Variants in DIPK1A observed in about 807,000 individuals in gnomAD.
DIPK1A encodes the protein family with sequence similarity 69 member A.
DIPK1A carries 27 observed loss-of-function variants against 40.8 expected under a neutral mutation model. That is an observed-to-expected ratio of 0.66 (90% CI 0.49 to 0.91). DIPK1A has a LOEUF of 0.91. Among genes scored for constraint, DIPK1A ranks in the 40% least tolerant of loss-of-function variants. DIPK1A has a pLI of 0.00. For synonymous variants in DIPK1A, 166 were observed against 171.3 expected (o/e 0.97, Z 0.24); for missense variants, 412 against 505.7 (o/e 0.81, Z 1.78).
chr1:92,833,216 G>A, intron 4 of DIPK1A: 1 of 655,178 alleles, frequency 1.5e-6, no homozygotes, highest in Non-Finnish European at 2.8e-6. Flanking sequence ...TGACATGGAA[G>A]GTAGAGGAAA....
intron 1 of DIPK1A, among the ~76,000 whole-genome samples, chr1:92,959,328 G>A (rs1651965984): frequency 6.6e-6 from 1 of 152,020 alleles, no homozygotes; most frequent in Non-Finnish European, 1.5e-5. Flanking sequence ...AAGTTTGGTT[G>A]GAAGAGGGAG....
intron 1 of DIPK1A, among the ~76,000 whole-genome samples, chr1:92,912,942 TA>T (rs760280375): frequency 5.0e-4 from 64 of 129,184 alleles, no homozygotes; most frequent in Admixed American, 7.3e-4. Flanking sequence ...CTCTATGAAA[TA>T]AAAAAAAAAA....
At chr1:92,922,333 CT>C (rs368331487) in intron 1 of DIPK1A, among the ~76,000 whole-genome samples, 13 of 144,654 alleles carry the variant, frequency 9.0e-5, no homozygotes, top group South Asian at 2.2e-4. Flanking sequence ...TTTTTCTTTT[CT>C]TTTTTTTTTA....
intron 2 of DIPK1A, among the ~76,000 whole-genome samples, chr1:92,871,140 GGACT>G (rs1329270781): frequency 3.3e-5 from 5 of 151,688 alleles, no homozygotes; most frequent in African/African-American, 9.7e-5. Context: ...GCCTTCCTTT[GGACT>G]GACTATTCTT....
chr1:92,843,126 AAGTC>A lies in DIPK1A; in HGVS notation c.*253_*256del. The A allele has an allele frequency of 8.7e-7, 1 of 1,151,854 alleles. No homozygotes were observed. Among genetic ancestry groups the A allele is most frequent in the Non-Finnish European group, 1.1e-6 (1 of 934,366 alleles). The allele number at this position is 1,151,854 out of a possible 1,614,324, so 71.4% of individuals were successfully genotyped here. A position where few individuals can be genotyped will look rare whatever the true frequency, so the allele number is the denominator to read the frequency against. ...AAGCTTTTCACAGCATTGGTTTTTAAAGTCAGTCAAAATAGTTACACAATGAATG... is the reference window on the plus strand; with the variant it reads ...AAGCTTTTCACAGCATTGGTTTTTAAAGTCAAAATAGTTACACAATGAATG... On this transcript the variant is annotated 3_prime_UTR_variant, in exon 5 of 5. Coordinates refer to ENST00000370310, the MANE Select transcript of DIPK1A (RefSeq NM_001006605.5).
At chr1:92,908,124 G>A (rs1223290007) in intron 1 of DIPK1A, among the ~76,000 whole-genome samples, 1 of 152,170 alleles carries the variant, frequency 6.6e-6, no homozygotes, top group Admixed American at 6.6e-5. Flanking sequence ...AACATGTTGA[G>A]AGTGAAGTGT....
chr1:92,833,184 G>A (rs566693990), intron 4 of DIPK1A: 2 of 648,370 alleles, frequency 3.1e-6, no homozygotes, highest in Admixed American at 2.6e-5. Flanking sequence ...CATTTTTATT[G>A]TTTTATGAAA....
chr1:92,835,989 C>A (rs1403467133), intron 4 of DIPK1A, among the ~76,000 whole-genome samples: 2 of 151,736 alleles, frequency 1.3e-5, no homozygotes, highest in South Asian at 4.2e-4. Flanking sequence ...AAAATTGTTT[C>A]AAGTGAAATT....
intron 1 of DIPK1A, among the ~76,000 whole-genome samples, chr1:92,936,511 C>T (rs545859445): frequency 1.3e-5 from 2 of 152,046 alleles, no homozygotes; most frequent in East Asian, 1.9e-4. Flanking sequence ...TGCCTATAAT[C>T]CCAGGTACTC....
intron 1 of DIPK1A, among the ~76,000 whole-genome samples, chr1:92,937,768 AAATGTAC>A (rs1168944510): frequency 6.6e-6 from 1 of 152,186 alleles, no homozygotes; most frequent in Non-Finnish European, 1.5e-5. Flanking sequence ...CCTTGAGCAT[AAATGTAC>A]ATTTCAATAT....
At chr1:92,889,271 C>G (rs1294540040) in intron 1 of DIPK1A, among the ~76,000 whole-genome samples, 1 of 152,180 alleles carries the variant, frequency 6.6e-6, no homozygotes, top group African/African-American at 2.4e-5. Context: ...TAGTCCGTTT[C>G]CCAATAAATG....
At chr1:92,893,634 T>C (rs1483395552) in intron 1 of DIPK1A, among the ~76,000 whole-genome samples, 7 of 151,210 alleles carry the variant, frequency 4.6e-5, no homozygotes, top group Admixed American at 1.3e-4. Context: ...AATGACAGGA[T>C]CAAATTCACA....
At chr1:92,920,611 A>G (rs1271772759) in intron 1 of DIPK1A, among the ~76,000 whole-genome samples, 1 of 152,214 alleles carries the variant, frequency 6.6e-6, no homozygotes. Flanking sequence ...GACTTCTTGG[A>G]GAAGATAGTT....
intron 1 of DIPK1A, among the ~76,000 whole-genome samples, chr1:92,879,622 A>T (rs1025629783): frequency 3.9e-5 from 6 of 152,208 alleles, no homozygotes; most frequent in Non-Finnish European, 8.8e-5. Flanking sequence ...AATTGCTGTG[A>T]TTTGGGGGTA....
intron 1 of DIPK1A, among the ~76,000 whole-genome samples, chr1:92,878,860 A>G (rs1417172381): frequency 2.0e-5 from 3 of 149,998 alleles, no homozygotes; most frequent in Non-Finnish European, 3.0e-5. Flanking sequence ...AACAAAAATT[A>G]GCCGAGTGTG....
At chr1:92,946,104 G>T (rs1651351664) in intron 1 of DIPK1A, among the ~76,000 whole-genome samples, 1 of 152,156 alleles carries the variant, frequency 6.6e-6, no homozygotes, top group South Asian at 2.1e-4. Context: ...ACAAATCCTT[G>T]TAGTAATGTG....
At chr1:92,944,734 G>A (rs116639980) in intron 1 of DIPK1A, among the ~76,000 whole-genome samples, 2,961 of 152,200 alleles carry the variant, frequency 0.019, 48 homozygotes, top group Non-Finnish European at 0.027. Context: ...CTGGGTTCAC[G>A]GGATTCTTCC....
chr1:92,931,040 T>C (rs1650726885), intron 1 of DIPK1A: 1 of 152,244 alleles, frequency 6.6e-6, no homozygotes. Context: ...GCTTGGCACA[T>C]ATTAGATATT....
At chr1:92,961,217 G>A (rs1329670948) in intron 1 of DIPK1A, among the ~76,000 whole-genome samples, 159 bp downstream of exon 1, 1 of 151,154 alleles carries the variant, frequency 6.6e-6, no homozygotes, top group Non-Finnish European at 1.5e-5. Context: ...GAGGGGGCTG[G>A]GGAGGGCGCG....
Sources: allele counts gnomAD v4.1 joint callset (sites outside exome capture counted in the v4.1 genomes callset), GRCh38; gene constraint gnomAD v4.1.1; transcripts MANE v1.5; gene names NCBI Gene and HGNC (gene_info 2026-07-23, HGNC 2026-07-21).